NRXN3: variants seen among roughly 807,000 people sequenced by gnomAD.
NRXN3 encodes neurexin 3.
Under a neutral mutation model 137.6 loss-of-function variants are expected in NRXN3, and 32 were observed. The ratio of observed to expected loss-of-function variants is 0.23; its 90% CI spans 0.18 to 0.31. The LOEUF is 0.31. Ranked by LOEUF, NRXN3 falls within the 10% of genes least tolerant of loss-of-function variation. The pLI, the probability that NRXN3 is intolerant of heterozygous loss-of-function variation, is 1.00. For missense variants in NRXN3, 1,574 were observed against 2,062.5 expected (o/e 0.76, Z 4.59); for synonymous variants, 798 against 784.5 (o/e 1.02, Z -0.29).
intron 8 of NRXN3, among the ~76,000 whole-genome samples, chr14:78,733,469 G>A (rs751757298): frequency 2.6e-5 from 4 of 152,134 alleles, no homozygotes; most frequent in Non-Finnish European, 2.9e-5. Flanking sequence ...AGGAAGAAAT[G>A]CGACCATCCA....
intron 15 of NRXN3, among the ~76,000 whole-genome samples, chr14:79,076,936 T>G (rs1310871722): frequency 6.6e-6 from 1 of 152,164 alleles, no homozygotes; most frequent in Non-Finnish European, 1.5e-5. Flanking sequence ...CTCAAGTACC[T>G]ACATGCCCAT....
intron 20 of NRXN3, among the ~76,000 whole-genome samples, chr14:79,850,210 CT>C (rs1165790299): frequency 1.3e-5 from 2 of 152,206 alleles, no homozygotes; most frequent in Admixed American, 1.3e-4. Flanking sequence ...CGGTTTGTAA[CT>C]TTTTAAATCT....
intron 16 of NRXN3, among the ~76,000 whole-genome samples, chr14:79,521,413 T>C (rs1204621097): frequency 1.3e-5 from 2 of 152,182 alleles, no homozygotes; most frequent in African/African-American, 2.4e-5. Flanking sequence ...GGCTTTTGGA[T>C]AGACCCTCTG....
At chr14:79,137,736 A>G (rs932795232) in intron 15 of NRXN3, among the ~76,000 whole-genome samples, 1 of 152,248 alleles carries the variant, frequency 6.6e-6, no homozygotes, top group African/African-American at 2.4e-5. Context: ...AGCTTAAAAA[A>G]TGACAGAGCT....
At chr14:79,376,272 A>C (rs1174630572) in intron 15 of NRXN3, among the ~76,000 whole-genome samples, 1 of 130,956 alleles carries the variant, frequency 7.6e-6, no homozygotes, top group African/African-American at 2.8e-5. Context: ...ATATACACAT[A>C]CATATGACTC....
At chr14:79,447,753 G>A (rs941112106) in intron 15 of NRXN3, among the ~76,000 whole-genome samples, 1 of 152,150 alleles carries the variant, frequency 6.6e-6, no homozygotes, top group Non-Finnish European at 1.5e-5. Context: ...TAATTTTTAC[G>A]TATCAGTCCT....
At chr14:78,778,990 A>G (rs1329699107) in intron 8 of NRXN3, among the ~76,000 whole-genome samples, 5 of 151,918 alleles carry the variant, frequency 3.3e-5, no homozygotes, top group African/African-American at 1.2e-4. Context: ...TGTCGTGGTG[A>G]GTCCACTTGT....
chr14:79,463,451 G>A (rs942654890), intron 15 of NRXN3, among the ~76,000 whole-genome samples: 2 of 151,466 alleles, frequency 1.3e-5, no homozygotes, highest in African/African-American at 2.4e-5. Context: ...AATAAGCCAG[G>A]CCCATTATTT....
intron 10 of NRXN3, among the ~76,000 whole-genome samples, chr14:78,822,692 A>G (rs1295700991): frequency 6.8e-6 from 1 of 146,060 alleles, no homozygotes; most frequent in East Asian, 2.0e-4. Context: ...AAAACAAACA[A>G]CCAACAACAA....
intron 4 of NRXN3, among the ~76,000 whole-genome samples, chr14:78,434,848 T>C (rs558705866): frequency 6.6e-6 from 1 of 152,270 alleles, no homozygotes; most frequent in South Asian, 2.1e-4. Context: ...GAAGCAGCTG[T>C]GGCCAAGAGG....
chr14:79,574,515 T>G (rs531995815), intron 16 of NRXN3, among the ~76,000 whole-genome samples: 1 of 152,318 alleles, frequency 6.6e-6, no homozygotes, highest in African/African-American at 2.4e-5. Context: ...TCATTATTAA[T>G]GCAAATCATT....
chr14:79,392,153 C>G (rs1001490123), intron 15 of NRXN3, among the ~76,000 whole-genome samples: 2 of 152,178 alleles, frequency 1.3e-5, no homozygotes, highest in Non-Finnish European at 2.9e-5. Flanking sequence ...AACCCCCACA[C>G]TCCCCAACAG....
intron 15 of NRXN3, among the ~76,000 whole-genome samples, chr14:79,178,124 G>T (rs1308251770): frequency 2.0e-5 from 3 of 152,198 alleles, no homozygotes; most frequent in Non-Finnish European, 2.9e-5. Flanking sequence ...AGCCCAGATG[G>T]CTGGGCTCCA....
At chr14:78,646,677 A>G (rs1238362668) in intron 5 of NRXN3, among the ~76,000 whole-genome samples, 1 of 152,252 alleles carries the variant, frequency 6.6e-6, no homozygotes, top group East Asian at 1.9e-4. Flanking sequence ...GATTACATTT[A>G]TCTCAGGTAA....
rs1239578254 is a variant in NRXN3 at position 79,746,576 on chromosome 14, C to G, written c.4014+48639C>G. ...TACTTTTTCAATCATACTAACTCAT[C>G]ATGTTAGTAGTAAGTTAAAGAATCT... is the stretch of plus-strand genomic sequence containing the variant. On this transcript the variant is annotated intron_variant, in intron 19 of 20. Coordinates refer to ENST00000335750, the MANE Select transcript of NRXN3 (RefSeq NM_001330195.2). 1.3e-5 allele frequency among the ~76,000 whole-genome samples: 2 copies of G among 152,100 alleles called. 1 individual carries two copies. The highest frequency in any genetic ancestry group is 4.1e-4 in the South Asian group (2 of 4,828).
intron 15 of NRXN3, among the ~76,000 whole-genome samples, chr14:79,077,930 T>C (rs2152742833): frequency 6.6e-6 from 1 of 152,280 alleles, no homozygotes; most frequent in Non-Finnish European, 1.5e-5. Context: ...GGGCTTTCCA[T>C]TTGATTTCAG....
chr14:79,536,299 C>T (rs1289689536), intron 16 of NRXN3, among the ~76,000 whole-genome samples: 1 of 152,036 alleles, frequency 6.6e-6, no homozygotes, highest in East Asian at 1.9e-4. Context: ...ATCATTGCAC[C>T]TTGCAAAAAC....
chr14:79,389,265 G>T (rs2094757429), intron 15 of NRXN3, among the ~76,000 whole-genome samples: 1 of 152,260 alleles, frequency 6.6e-6, no homozygotes. Context: ...AGATCAGTTG[G>T]GTGGCATCTG....
In NRXN3 at chr14:78,825,041, G is replaced by T. The variant is rs55973531; in HGVS notation, c.2275+14697G>T. ...AAGAGACATTTAAGGCACAAGTGTT[G>T]TTTGTGCAGTATTGTTTTGCACATA... On this transcript the variant is annotated intron_variant, in intron 10 of 20. Coordinates refer to ENST00000335750, the MANE Select transcript of NRXN3 (RefSeq NM_001330195.2). 7.2e-4 allele frequency among the ~76,000 whole-genome samples: 110 copies of T among 152,002 alleles called. 1 individual carries two copies. The highest frequency in any genetic ancestry group is 1.3e-3 in the Non-Finnish European group (90 of 67,972).
Sources: allele counts gnomAD v4.1 joint callset (sites outside exome capture counted in the v4.1 genomes callset), GRCh38; gene constraint gnomAD v4.1.1; transcripts MANE v1.5; gene names NCBI Gene and HGNC (gene_info 2026-07-23, HGNC 2026-07-21).